The following SANBR variants were observed in gnomAD, a reference collection of about 807,000 sequenced individuals.
SANBR encodes SANT and BTB domain regulator of CSR.
In SANBR, 77 loss-of-function variants were observed where a neutral mutation model predicts 101.8. The ratio of observed to expected loss-of-function variants is 0.76; its 90% CI spans 0.63 to 0.91. The LOEUF is 0.91. SANBR is among the 40% of genes least tolerant of loss of function. The pLI is 0.00. For synonymous variants in SANBR, 279 were observed against 274.7 expected, an observed-to-expected ratio of 1.02 and a Z score of -0.15; for missense variants, 875 against 853.0, an observed-to-expected ratio of 1.03 and a Z score of -0.32.
Position 61,122,146 on chromosome 2 carries a change from A to G in SANBR, c.2141A>G (p.Gln714Arg). The G allele has an allele frequency of 6.4e-7, 1 of 1,550,572 alleles. No individual in the cohort carries two copies. The highest frequency in any genetic ancestry group is 8.7e-7 in the Non-Finnish European group (1 of 1,146,120). ...KNTRSKSRFG[Q>R]GRPA Reference sequence around the variant, plus strand: ...TCTAGGTCTAAAAGTCGTTTTGGTCAAGGGCGTCCTGCATAAAGTACCTTA... The same window carrying G: ...TCTAGGTCTAAAAGTCGTTTTGGTCGAGGGCGTCCTGCATAAAGTACCTTA... Residue 714 changes from glutamine (Q) to arginine (R), a missense_variant, in exon 22 of 22, where the codon CAA (glutamine) becomes CGA (arginine). Gln to Arg is a conservative substitution (Grantham distance 43). Transcript: ENST00000402291.
intron 16 of SANBR, among the ~76,000 whole-genome samples, chr2:61,114,531 C>G (rs1172291544): frequency 2.0e-5 from 3 of 152,232 alleles, no homozygotes; most frequent in African/African-American, 7.2e-5. Flanking sequence ...CAAAAACCTT[C>G]TGGCCTTCTA....
intron 12 of SANBR, 68 bp from the exon 13 acceptor site, chr2:61,103,785 A>G (rs113039857): frequency 1.2e-5 from 17 of 1,442,350 alleles, no homozygotes; most frequent in African/African-American, 1.4e-5. Flanking sequence ...AAGAAAAGAA[A>G]AACAGTGATC....
chr2:61,115,370 G>A (rs1327649897), intron 16 of SANBR, among the ~76,000 whole-genome samples: 1 of 147,714 alleles, frequency 6.8e-6, no homozygotes, highest in Non-Finnish European at 1.5e-5. Context: ...ACAGAGTCTC[G>A]CTCTATCACC....
chr2:61,083,415 G>A, intron 8 of SANBR, 101 bp downstream of exon 8: 1 of 851,282 alleles, frequency 1.2e-6, no homozygotes, highest in Non-Finnish European at 1.8e-6. Flanking sequence ...TTTTTTCTTT[G>A]AGAAAGGTTC....
intron 6 of SANBR, among the ~76,000 whole-genome samples, chr2:61,078,669 G>A (rs903192054): frequency 1.3e-5 from 2 of 152,010 alleles, no homozygotes; most frequent in East Asian, 2.0e-4. Flanking sequence ...TGATCTGCCC[G>A]CCTCAGCCTC....
chr2:61,120,636 T>G (rs963838306), intron 20 of SANBR, among the ~76,000 whole-genome samples: 1 of 152,014 alleles, frequency 6.6e-6, no homozygotes, highest in Non-Finnish European at 1.5e-5. Context: ...GAGGCTGAGG[T>G]AGGAGGATCA....
intron 8 of SANBR, among the ~76,000 whole-genome samples, chr2:61,084,359 T>C (rs551334691): frequency 2.0e-5 from 3 of 152,320 alleles, no homozygotes; most frequent in Admixed American, 1.3e-4. Flanking sequence ...AAGATAAAAA[T>C]TAGTAATTAG....
At chr2:61,070,004 C>T (rs1015578304) in intron 2 of SANBR, among the ~76,000 whole-genome samples, 6 of 152,082 alleles carry the variant, frequency 3.9e-5, no homozygotes, top group South Asian at 4.1e-4. Flanking sequence ...CTCTTCTTAG[C>T]GCTGTGATCT....
chr2:61,105,881 A>G (rs980471182), intron 13 of SANBR, among the ~76,000 whole-genome samples: 1 of 151,738 alleles, frequency 6.6e-6, no homozygotes, highest in Non-Finnish European at 1.5e-5. Flanking sequence ...CATGTTGGCC[A>G]ATATGGTCTC....
chr2:61,109,507 G>C (rs1256192394), intron 16 of SANBR, among the ~76,000 whole-genome samples: 3 of 152,044 alleles, frequency 2.0e-5, no homozygotes, highest in Non-Finnish European at 2.9e-5. Context: ...CACTGAGAAA[G>C]AACTCTCCAG....
chr2:61,103,766 G>A, intron 12 of SANBR, 87 bp from the exon 13 acceptor site: 1 of 1,226,244 alleles, frequency 8.2e-7, no homozygotes, highest in Non-Finnish European at 1.2e-6. Context: ...ATGACAATAT[G>A]ACTTGGCAAA....
At chr2:61,091,232 G>A (rs1027281367) in intron 10 of SANBR, among the ~76,000 whole-genome samples, 6 of 151,936 alleles carry the variant, frequency 3.9e-5, no homozygotes, top group Admixed American at 3.9e-4. Context: ...TTGCTTAAGG[G>A]CAGGAGTTTA....
Position 61,095,964 on chromosome 2 carries a change from A to G in SANBR, c.1213-1736A>G, listed in dbSNP as rs551622783. Among the ~76,000 whole-genome samples, 9 of 152,178 alleles carry G rather than the reference A, an allele frequency of 5.9e-5. No homozygotes were observed. In the East Asian group the frequency reaches 1.4e-3, roughly 23 times the overall value. Reference sequence around the variant, plus strand: ...CTTGTGGGACCACCCTTAATCATCCAGTGGTACTGCCCCCTCTTAGGATAT... The same window carrying G: ...CTTGTGGGACCACCCTTAATCATCCGGTGGTACTGCCCCCTCTTAGGATAT... On this transcript the variant is annotated intron_variant, in intron 11 of 21. Coordinates refer to ENST00000402291, the MANE Select transcript of SANBR (RefSeq NM_001129993.3).
At chr2:61,075,258 C>T (rs1408018961) in intron 5 of SANBR, 1 of 152,208 alleles carries the variant, frequency 6.6e-6, no homozygotes, top group Non-Finnish European at 1.5e-5. Context: ...TGAGGTGATA[C>T]AATTTTTTGT....
chr2:61,087,036 A>G (rs771986600), intron 8 of SANBR, among the ~76,000 whole-genome samples: 1 of 152,216 alleles, frequency 6.6e-6, no homozygotes, highest in Non-Finnish European at 1.5e-5. Context: ...TATTATGCAT[A>G]ATAATTAACG....
chr2:61,083,107 G>C (rs1292126227), intron 7 of SANBR, 47 bp from the exon 8 acceptor site: 10 of 1,366,182 alleles, frequency 7.3e-6, no homozygotes, highest in Non-Finnish European at 1.0e-5. Flanking sequence ...CTATGACATT[G>C]TCCTTCATGC....
rs1363427197 is a variant in SANBR at position 61,109,677 on chromosome 2, G to GTTTTTT, written c.1744+384_1744+385insTTTTTT. On this transcript the variant is annotated intron_variant, in intron 16 of 21. Transcript: ENST00000402291. ...TTAGTGGAAAGCATGTTTTTTTTGT[G>GTTTTTT]TTTGTTTTTTTTTTTTTTTTTTTGA... is the stretch of plus-strand genomic sequence containing the variant. Among the ~76,000 whole-genome samples the GTTTTTT allele has an allele frequency of 5.5e-5, 6 of 109,494 alleles. 1 individual carries two copies. Among genetic ancestry groups the GTTTTTT allele is most frequent in the African/African-American group, 1.0e-4 (3 of 29,184 alleles). 71.8% of individuals were successfully genotyped at this position (109,494 alleles called of 152,430 possible). A position where few individuals can be genotyped will look rare whatever the true frequency, so the allele number is the denominator to read the frequency against.
chr2:61,113,741 TTA>T (rs1265493047), intron 16 of SANBR, among the ~76,000 whole-genome samples: 2 of 152,314 alleles, frequency 1.3e-5, no homozygotes, highest in African/African-American at 4.8e-5. Flanking sequence ...TACCTTTTAT[TTA>T]TATGTCTTGC....
intron 16 of SANBR, among the ~76,000 whole-genome samples, chr2:61,114,298 C>G (rs537221859): frequency 6.6e-6 from 1 of 152,100 alleles, no homozygotes; most frequent in Non-Finnish European, 1.5e-5. Flanking sequence ...ACACATTAAA[C>G]GACAAAAGTC....
Sources: allele counts gnomAD v4.1 joint callset (sites outside exome capture counted in the v4.1 genomes callset), GRCh38; gene constraint gnomAD v4.1.1; transcripts MANE v1.5; gene names NCBI Gene and HGNC (gene_info 2026-07-23, HGNC 2026-07-21).